The following AGER variants were observed in gnomAD, a reference collection of about 807,000 sequenced individuals.
The protein encoded by AGER is advanced glycation end product-specific receptor.
Under a neutral mutation model 48.8 loss-of-function variants are expected in AGER, and 46 were observed. The observed-to-expected ratio is 0.94, with a 90% CI of 0.74 to 1.20. AGER has a LOEUF of 1.20. Ranked by LOEUF, AGER falls within the 50% of genes most tolerant of loss-of-function variation. AGER has a pLI of 0.00. For synonymous variants in AGER, 170 were observed against 199.9 expected (o/e 0.85, Z 1.26); for missense variants, 489 against 515.0 (o/e 0.95, Z 0.49).
At position 32,183,706 on chromosome 6, in the gene AGER, T is replaced by A; in HGVS notation, c.204A>T (p.Gly68=). 1 of 1,613,068 alleles carries A rather than the reference T, an allele frequency of 6.2e-7. No homozygotes were observed. The highest frequency in any genetic ancestry group is 8.5e-7 in the Non-Finnish European group (1 of 1,180,020). The change falls in exon 3 of 11, where the codon GGA becomes GGT. Residue 68 remains glycine, a synonymous_variant. Coordinates refer to ENST00000375076, the MANE Select transcript of AGER (RefSeq NM_001136.5). ...GAGCCACACTGTCCCAGGGGCCTCC[T>A]CCCTGGGGAGACAGGACCTTCCAAG... is the stretch of plus-strand genomic sequence containing the variant. ...TEAWKVLSPQ[G]GGPWDSVARV...
At position 32,182,302 on chromosome 6, in the gene AGER, G is replaced by C; in HGVS notation, c.909C>G (p.Ala303=). The C allele has an allele frequency of 6.2e-7, 1 of 1,612,810 alleles. No homozygotes were observed. The highest frequency in any genetic ancestry group is 1.1e-5 in the South Asian group (1 of 91,082). The change falls in exon 8 of 11, where the codon GCC becomes GCG. Residue 303 remains alanine (A), a synonymous_variant. Transcript: ENST00000375076. This position sits in a 1 kb window ranked among gnomAD's most constrained non-coding sequence, Gnocchi z 5.1. ...CCTGGGGCCCGTGGCTGGAATGGGT[G>C]GCCACACAGCTGTAGGTTCCCTGGT... The part of the protein sequence containing the change: ...PQDQGTYSCV[A]THSSHGPQES...
chr6:32,181,484 G>A lies in AGER; in HGVS notation c.992-7C>T, dbSNP rs765053494. ...CCTGATCCTCCCACAGAGCCTGTAC[G>A]GAGACAGGGAAAATTGAGAGCACAG... is the stretch of plus-strand genomic sequence containing the variant. On this transcript the variant is annotated splice_polypyrimidine_tract_variant and splice_region_variant and intron_variant, in intron 9 of 10. Transcript: ENST00000375076. This position sits in a 1 kb window ranked among gnomAD's most constrained non-coding sequence, Gnocchi z 4.1. 19 of 1,613,212 alleles carry A rather than the reference G, an allele frequency of 1.2e-5. No homozygotes were observed. Among genetic ancestry groups the A allele is most frequent in the Middle Eastern group, 1.6e-4 (1 of 6,062 alleles).
At position 32,183,377 on chromosome 6, in the gene AGER, T is replaced by C. The variant is rs752864070; in HGVS notation, c.367A>G (p.Lys123Glu). ...GAGGCAGAATCTACAATTTCTGGCT[T>C]CCCAGGAATCTCTGAAGGAGGAAAA... is the stretch of plus-strand genomic sequence containing the variant. ...YRVRVYQIPG[K>E]PEIVDSASEL... The change falls in exon 4 of 11, where the codon AAG becomes GAG. Residue 123 changes from lysine (K) to glutamate (E), a missense_variant. Physicochemically the swap from Lys to Glu is moderately conservative, Grantham distance 56. Transcript: ENST00000375076. 6.2e-7 allele frequency: 1 copy of C among 1,613,110 alleles called. No individual in the cohort carries two copies. The highest frequency in any genetic ancestry group is 8.5e-7 in the Non-Finnish European group (1 of 1,180,036).
chr6:32,182,364 T>TG lies in AGER; in HGVS notation c.846dup (p.Ser283GlnfsTer8). 2 of 1,611,130 alleles carry TG rather than the reference T, an allele frequency of 1.2e-6. No homozygotes were observed. Among genetic ancestry groups the TG allele is most frequent in the Non-Finnish European group, 1.7e-6 (2 of 1,179,456 alleles). On this transcript the variant is annotated frameshift_variant, in exon 8 of 11. Transcript: ENST00000375076. LOFTEE classifies it high-confidence loss of function. The surrounding 1 kb of genome is among the most constrained non-coding windows in gnomAD (Gnocchi z 5.1). ...ATCTCAGGGAGGATCAGCACAGGGC[T>TG]GGGGGGAAGGGGCAAGGGCACACCC... is the stretch of plus-strand genomic sequence containing the variant.
Position 32,181,600 on chromosome 6 carries a change from C to T in AGER, c.991+6G>A. 1.2e-6 allele frequency: 2 copies of T among 1,613,146 alleles called. No individual in the cohort carries two copies. Among genetic ancestry groups the T allele is most frequent in the South Asian group, 1.1e-5 (1 of 91,080 alleles). ...TCTGCTTCCCTGACTTTATCAAACC[C>T]CTCACCTGCAGTTGGCCCCTCCTCG... On this transcript the variant is annotated splice_donor_region_variant and intron_variant, in intron 9 of 10. Coordinates refer to ENST00000375076, the MANE Select transcript of AGER (RefSeq NM_001136.5). This position sits in a 1 kb window ranked among gnomAD's most constrained non-coding sequence, Gnocchi z 4.1.
Position 32,182,322 on chromosome 6 carries a change from C to T in AGER, c.889G>A (p.Gly297Arg). ...ILPEIGPQDQ[G>R]TYSCVATHSS... ...TGGGTGGCCACACAGCTGTAGGTTC[C>T]CTGGTCCTGAGGCCCTATCTCAGGG... Residue 297 changes from glycine to arginine, a missense_variant, in exon 8 of 11, where the codon GGA (glycine) becomes AGA (arginine). Physicochemically the swap from Gly to Arg is moderately radical, Grantham distance 125 (BLOSUM62 -2). Transcript: ENST00000375076. The surrounding 1 kb of genome is among the most constrained non-coding windows in gnomAD (Gnocchi z 5.1). 1.9e-6 allele frequency: 3 copies of T among 1,612,824 alleles called. No individual in the cohort carries two copies. The highest frequency in any genetic ancestry group is 2.5e-6 in the Non-Finnish European group (3 of 1,180,008).
Position 32,181,582 on chromosome 6 carries a change from C to A in AGER, c.991+24G>T, listed in dbSNP as rs1786226008. On this transcript the variant is annotated intron_variant, in intron 9 of 10. Transcript: ENST00000375076. The surrounding 1 kb of genome is among the most constrained non-coding windows in gnomAD (Gnocchi z 4.1). ...ATGTGTTGGGGGCTATCTTCTGCTT[C>A]CCTGACTTTATCAAACCCCTCACCT... 1 of 1,613,024 alleles carries A rather than the reference C, an allele frequency of 6.2e-7. No individual in the cohort carries two copies. Among genetic ancestry groups the A allele is most frequent in the Non-Finnish European group, 8.5e-7 (1 of 1,180,042 alleles).
In AGER at chr6:32,182,697, C is replaced by G. The variant is rs539453209; in HGVS notation, c.693G>C (p.Glu231Asp). Reference sequence around the variant, plus strand: ...ATTGGACCTCCTCCAGAGGCACAGGCTCTGGGAGTTGGAAGGGTTTTGAGG... The same window carrying G: ...ATTGGACCTCCTCCAGAGGCACAGGGTCTGGGAGTTGGAAGGGTTTTGAGG... ...RTAPIQPRVWEPVPLEEVQLV... is the reference protein window; with the variant it reads ...RTAPIQPRVWDPVPLEEVQLV... The change falls in exon 7 of 11, where the codon GAG (glutamate) becomes GAC (aspartate). Residue 231 changes from glutamate to aspartate, a missense_variant and splice_region_variant. Glu to Asp is a conservative substitution (Grantham distance 45). Coordinates refer to ENST00000375076, the MANE Select transcript of AGER (RefSeq NM_001136.5). The surrounding 1 kb of genome is among the most constrained non-coding windows in gnomAD (Gnocchi z 5.1). The G allele has an allele frequency of 2.0e-5, 33 of 1,613,114 alleles. No individual in the cohort carries two copies. In the South Asian group the frequency reaches 3.6e-4, roughly 18 times the overall value.
rs944708312 is a variant in AGER, at chr6:32,181,350, C to T, written c.1118+1G>A. 5.6e-6 allele frequency: 9 copies of T among 1,612,770 alleles called. No individual in the cohort carries two copies. Among genetic ancestry groups the T allele is most frequent in the Non-Finnish European group, 7.6e-6 (9 of 1,179,292 alleles). On this transcript the variant is annotated splice_donor_variant, in intron 10 of 10. Coordinates refer to ENST00000375076, the MANE Select transcript of AGER (RefSeq NM_001136.5). LOFTEE classifies it high-confidence loss of function. This position sits in a 1 kb window ranked among gnomAD's most constrained non-coding sequence, Gnocchi z 4.1. ...TGAGGGGTCTGGCTTTCTCCACTCA[C>T]CTCTCCTCTCCTCGGCGTTGCCGCC...
rs546564455 is a variant in AGER at position 32,181,356 on chromosome 6, C to G, written c.1113G>C (p.Glu371Asp). The part of the protein sequence containing the change: ...ILWQRRQRRG[E>D]ERKAPENQEE... The stretch of plus-strand genomic sequence containing the variant: ...GTCTGGCTTTCTCCACTCACCTCTC[C>G]TCTCCTCGGCGTTGCCGCCTTTGCC... The change falls in exon 10 of 11, where the codon GAG becomes GAC. Residue 371 changes from glutamate to aspartate, a missense_variant. Physicochemically the swap from Glu to Asp is conservative, Grantham distance 45. Transcript: ENST00000375076. This position sits in a 1 kb window ranked among gnomAD's most constrained non-coding sequence, Gnocchi z 4.1. The G allele has an allele frequency of 6.2e-7, 1 of 1,612,920 alleles. No individual in the cohort carries two copies. The highest frequency in any genetic ancestry group is 8.5e-7 in the Non-Finnish European group (1 of 1,179,262).
Position 32,183,756 on chromosome 6 carries a change from A to C in AGER, c.160-6T>G. On this transcript the variant is annotated splice_region_variant and splice_polypyrimidine_tract_variant and intron_variant, in intron 2 of 10. Coordinates refer to ENST00000375076, the MANE Select transcript of AGER (RefSeq NM_001136.5). ...GCTTCTGTCCGGCCTGTGTTCTAGA[A>C]GCAGAGAAGCAGGGCCTAAACAGTG... The C allele has an allele frequency of 6.2e-7, 1 of 1,612,704 alleles. No individual in the cohort carries two copies. The highest frequency in any genetic ancestry group is 2.2e-5 in the East Asian group (1 of 44,876).
chr6:32,181,084 A>C lies in AGER; in HGVS notation c.*59T>G. The C allele has an allele frequency of 6.5e-7, 1 of 1,549,352 alleles. No individual in the cohort carries two copies. The highest frequency in any genetic ancestry group is 8.9e-7 in the Non-Finnish European group (1 of 1,122,054). ...TACAGGAGAGAGTTGGTCTGAGGCC[A>C]GAACAGTTCAAGGGAAAAAGAAAAG... is the stretch of plus-strand genomic sequence containing the variant. On this transcript the variant is annotated 3_prime_UTR_variant, in exon 11 of 11. Coordinates refer to ENST00000375076, the MANE Select transcript of AGER (RefSeq NM_001136.5). This position sits in a 1 kb window ranked among gnomAD's most constrained non-coding sequence, Gnocchi z 4.1.
rs1475364918 is a variant in AGER, at chr6:32,183,610, C to G, written c.300G>C (p.Gln100His). The G allele has an allele frequency of 1.9e-6, 3 of 1,613,082 alleles. No individual in the cohort carries two copies. Among genetic ancestry groups the G allele is most frequent in the African/African-American group, 2.7e-5 (2 of 75,040 alleles). ...TCTCCTTTCCATTCCTGTTCATTGC[C>G]TGGCACCGGAAAATCCCCTCATCCT... Reference protein sequence around the residue: ...GIQDEGIFRCQAMNRNGKETK... With the variant: ...GIQDEGIFRCHAMNRNGKETK... Residue 100 changes from glutamine to histidine, a missense_variant, in exon 3 of 11, where the codon CAG becomes CAC. Coordinates refer to ENST00000375076, the MANE Select transcript of AGER (RefSeq NM_001136.5).
At position 32,182,669 on chromosome 6, in the gene AGER, C is replaced by G. The variant is rs17846799; in HGVS notation, c.721G>C (p.Val241Leu). ...EPVPLEEVQL[V>L]VEPEGGAVAP... ...ACTGCTCCACCTTCTGGCTCCACCA[C>G]CAATTGGACCTCCTCCAGAGGCACA... The change falls in exon 7 of 11, where the codon GTG (valine) becomes CTG (leucine). Residue 241 changes from valine (V) to leucine (L), a missense_variant. Transcript: ENST00000375076. The surrounding 1 kb of genome is among the most constrained non-coding windows in gnomAD (Gnocchi z 5.1). 161 of 1,612,982 alleles carry G rather than the reference C, an allele frequency of 1.0e-4. 1 individual carries two copies. In the East Asian group the frequency reaches 3.5e-3, roughly 35 times the overall value.
At position 32,182,546 on chromosome 6, in the gene AGER, C is replaced by T. The variant is rs1008075972; in HGVS notation, c.822+22G>A. 4 of 1,610,912 alleles carry T rather than the reference C, an allele frequency of 2.5e-6. No individual in the cohort carries two copies. The highest frequency in any genetic ancestry group is 3.3e-4 in the Middle Eastern group (2 of 6,072). ...AGTTATGGTTCACCCTACCTCCCAG[C>T]CCCTCTCTCCAGGTCACTCACATCC... On this transcript the variant is annotated intron_variant, in intron 7 of 10. Coordinates refer to ENST00000375076, the MANE Select transcript of AGER (RefSeq NM_001136.5). The surrounding 1 kb of genome is among the most constrained non-coding windows in gnomAD (Gnocchi z 5.1).
chr6:32,182,359 A>G lies in AGER; in HGVS notation c.852T>C (p.Pro284=). Residue 284 remains proline (P), a synonymous_variant, in exon 8 of 11, where the codon CCT becomes CCC. Transcript: ENST00000375076. This position sits in a 1 kb window ranked among gnomAD's most constrained non-coding sequence, Gnocchi z 5.1. The part of the protein sequence containing the change: ...DGVPLPLPPS[P]VLILPEIGPQ... ...GCCCTATCTCAGGGAGGATCAGCAC[A>G]GGGCTGGGGGGAAGGGGCAAGGGCA... The G allele has an allele frequency of 6.2e-7, 1 of 1,611,988 alleles. No homozygotes were observed. Among genetic ancestry groups the G allele is most frequent in the Non-Finnish European group, 8.5e-7 (1 of 1,179,754 alleles).
At position 32,181,097 on chromosome 6, in the gene AGER, G is replaced by A. The variant is rs1250009098; in HGVS notation, c.*46C>T. 1 of 1,597,878 alleles carries A rather than the reference G, an allele frequency of 6.3e-7. No homozygotes were observed. The highest frequency in any genetic ancestry group is 8.6e-7 in the Non-Finnish European group (1 of 1,165,682). Reference sequence around the variant, plus strand: ...TGGTCTGAGGCCAGAACAGTTCAAGGGAAAAAGAAAAGGGAGCTGATGGAT... The same window carrying A: ...TGGTCTGAGGCCAGAACAGTTCAAGAGAAAAAGAAAAGGGAGCTGATGGAT... On this transcript the variant is annotated 3_prime_UTR_variant, in exon 11 of 11. Coordinates refer to ENST00000375076, the MANE Select transcript of AGER (RefSeq NM_001136.5). The surrounding 1 kb of genome is among the most constrained non-coding windows in gnomAD (Gnocchi z 4.1).
At position 32,182,103 on chromosome 6, in the gene AGER, G is replaced by C. The variant is rs1030982018; in HGVS notation, c.964+144C>G. The C allele has an allele frequency of 3.4e-6, 4 of 1,167,080 alleles. No individual in the cohort carries two copies. Among genetic ancestry groups the C allele is most frequent in the Non-Finnish European group, 5.0e-6 (4 of 800,580 alleles). The allele number at this position is 1,167,080 out of a possible 1,614,324, so 72.3% of individuals were successfully genotyped here. On this transcript the variant is annotated intron_variant, in intron 8 of 10. Coordinates refer to ENST00000375076, the MANE Select transcript of AGER (RefSeq NM_001136.5). The surrounding 1 kb of genome is among the most constrained non-coding windows in gnomAD (Gnocchi z 5.1). ...CTGCTCTCTTGGCAGAATTTGGGTGGGGCAGGGGAGGCTTGGGTGTGGGTG... is the reference window on the plus strand; with the variant it reads ...CTGCTCTCTTGGCAGAATTTGGGTGCGGCAGGGGAGGCTTGGGTGTGGGTG...
chr6:32,182,885 C>T lies in AGER; in HGVS notation c.647G>A (p.Arg216Gln), dbSNP rs1246376753. The T allele has an allele frequency of 2.5e-6, 4 of 1,611,220 alleles. No individual in the cohort carries two copies. Among genetic ancestry groups the T allele is most frequent in the South Asian group, 1.1e-5 (1 of 90,988 alleles). The change falls in exon 6 of 11, where the codon CGA becomes CAA. Residue 216 changes from arginine to glutamine, a missense_variant. Physicochemically the swap from Arg to Gln is conservative, Grantham distance 43. Transcript: ENST00000375076. The surrounding 1 kb of genome is among the most constrained non-coding windows in gnomAD (Gnocchi z 5.1). ...FSCSFSPGLP[R>Q]HRALRTAPIQ... ...GGGGGCTGTGCGCAAGGCCCGGTGT[C>T]GGGGAAGGCCTGGGCTGAAGCTACA...
Sources: gnomAD v4.1 joint callset for allele counts on GRCh38, gnomAD v4.1.1 for gene constraint, Gnocchi (gnomAD v3.1) non-coding constraint, MANE v1.5 for transcripts, NCBI Gene and HGNC (gene_info 2026-07-23, HGNC 2026-07-21) for gene names.